The following SNX5 variants were observed in gnomAD, a reference collection of about 807,000 sequenced individuals.
SNX5 encodes the protein sorting nexin 5.
A neutral mutation model predicts 53.9 loss-of-function variants in SNX5; 31 were observed. The ratio of observed to expected loss-of-function variants is 0.58; its 90% CI spans 0.43 to 0.78. The LOEUF (loss-of-function observed/expected upper bound fraction) is 0.78. SNX5 is among the 30% of genes least tolerant of loss of function. SNX5 has a pLI of 0.00. For missense variants in SNX5, 471 were observed against 478.8 expected, an observed-to-expected ratio of 0.98 and a Z score of 0.15; for synonymous variants, 168 against 171.1, an observed-to-expected ratio of 0.98 and a Z score of 0.14.
At chr20:17,962,942 T>C (rs771198416) in intron 1 of SNX5, 2 of 515,922 alleles carry the variant, frequency 3.9e-6, no homozygotes. Flanking sequence ...GAATCATCAT[T>C]TCACAAGGCT....
intron 8 of SNX5, 117 bp from the exon 9 acceptor site, chr20:17,949,220 C>T (rs913138745): frequency 1.8e-5 from 15 of 822,536 alleles, no homozygotes; most frequent in Middle Eastern, 3.7e-4. Flanking sequence ...GGTACTTTAG[C>T]ATTAATTTAA....
Position 17,948,976 on chromosome 20 carries a change from T to C in SNX5, c.832A>G (p.Lys278Glu), listed in dbSNP as rs147786677. Residue 278 changes from lysine to glutamate, a missense_variant and splice_region_variant, in exon 10 of 13, where the codon AAA (lysine) becomes GAA (glutamate). Coordinates refer to ENST00000377759, the MANE Select transcript of SNX5 (RefSeq NM_014426.4). ...TCTGATGAAACTCGACCCTCTACTT[T>C]CTATATAGAAAAGGAAAGGTCACCA... ...KVAELFEKLR[K>E]VEGRVSSDED... 6.2e-7 allele frequency: 1 copy of C among 1,612,452 alleles called. No individual in the cohort carries two copies. The highest frequency in any genetic ancestry group is 1.3e-5 in the African/African-American group (1 of 74,848).
At chr20:17,944,339 G>A (rs1300241562) in intron 11 of SNX5, 1 of 152,100 alleles carries the variant, frequency 6.6e-6, no homozygotes, top group Admixed American at 6.5e-5. Context: ...TGAAAAAAAT[G>A]AAAGATGTTA....
chr20:17,968,478 C>T lies in SNX5; in HGVS notation c.-53G>A, dbSNP rs1484207805. 20 of 1,278,474 alleles carry T rather than the reference C, an allele frequency of 1.6e-5. No individual in the cohort carries two copies. The highest frequency in any genetic ancestry group is 5.6e-5 in the South Asian group (2 of 36,004). 79.2% of individuals were successfully genotyped at this position (1,278,474 alleles called of 1,614,324 possible). ...CCTGGCTGTGCGAGGAAAGAAGAAG[C>T]TGGGCCGCCGCCGCCGCCGCCTGGG... On this transcript the variant is annotated 5_prime_UTR_variant, in exon 1 of 13. Coordinates refer to ENST00000377759, the MANE Select transcript of SNX5 (RefSeq NM_014426.4).
rs969881688 is a variant in SNX5 at position 17,941,751 on chromosome 20, A to G, written c.*606T>C. ...GCCATCTTATAAAGCAGACCACATTATTTGTTTCCATATATACCTGTAGAT... is the reference window on the plus strand; with the variant it reads ...GCCATCTTATAAAGCAGACCACATTGTTTGTTTCCATATATACCTGTAGAT... On this transcript the variant is annotated 3_prime_UTR_variant, in exon 13 of 13. Coordinates refer to ENST00000377759, the MANE Select transcript of SNX5 (RefSeq NM_014426.4). 5 of 152,372 alleles carry G rather than the reference A, an allele frequency of 3.3e-5. No homozygotes were observed. Among genetic ancestry groups the G allele is most frequent in the African/African-American group, 1.2e-4 (5 of 41,432 alleles). 9.4% of individuals were successfully genotyped at this position (152,372 alleles called of 1,614,324 possible).
At chr20:17,967,714 T>C in intron 1 of SNX5, 1 of 187,326 alleles carries the variant, frequency 5.3e-6, no homozygotes. Flanking sequence ...GCTATGGGAA[T>C]TTCAATTTAT....
rs1300631375 is a variant in SNX5 at position 17,943,096 on chromosome 20, T to C, written c.1164+14A>G. The C allele has an allele frequency of 1.3e-6, 2 of 1,545,064 alleles. No homozygotes were observed. The highest frequency in any genetic ancestry group is 1.8e-6 in the Non-Finnish European group (2 of 1,118,654). ...CCATAAAAGATGTTGGCTTCATCTGTAGAAAACACTTACCCTGGCATGTTT... is the reference window on the plus strand; with the variant it reads ...CCATAAAAGATGTTGGCTTCATCTGCAGAAAACACTTACCCTGGCATGTTT... On this transcript the variant is annotated intron_variant, in intron 12 of 12. Transcript: ENST00000377759.
intron 2 of SNX5, among the ~76,000 whole-genome samples, 179 bp downstream of exon 2, chr20:17,956,754 T>C (rs970857277): frequency 1.0e-4 from 15 of 149,016 alleles, no homozygotes; most frequent in Admixed American, 5.3e-4. Context: ...AGAATGCTGC[T>C]GCCGCCACAA....
At position 17,968,473 on chromosome 20, in the gene SNX5, A is replaced by T; in HGVS notation, c.-48T>A. The T allele has an allele frequency of 7.8e-7, 1 of 1,289,272 alleles. No homozygotes were observed. The highest frequency in any genetic ancestry group is 9.8e-7 in the Non-Finnish European group (1 of 1,016,504). 79.9% of individuals were successfully genotyped at this position (1,289,272 alleles called of 1,614,324 possible). On this transcript the variant is annotated 5_prime_UTR_variant, in exon 1 of 13. Coordinates refer to ENST00000377759, the MANE Select transcript of SNX5 (RefSeq NM_014426.4). ...GGCCGCCTGGCTGTGCGAGGAAAGA[A>T]GAAGCTGGGCCGCCGCCGCCGCCGC...
intron 10 of SNX5, among the ~76,000 whole-genome samples, chr20:17,948,222 C>T (rs1453748211): frequency 6.6e-6 from 1 of 152,168 alleles, no homozygotes; most frequent in African/African-American, 2.4e-5. Context: ...ACTACTAGGC[C>T]TATTTTTGTA....
At chr20:17,959,686 A>T (rs78784197) in intron 1 of SNX5, among the ~76,000 whole-genome samples, 5 of 152,216 alleles carry the variant, frequency 3.3e-5, no homozygotes, top group Non-Finnish European at 7.3e-5. Flanking sequence ...GAACTTTCTC[A>T]TATTATAGCA....
At chr20:17,964,624 T>C (rs1226687004) in intron 1 of SNX5, among the ~76,000 whole-genome samples, 1 of 152,224 alleles carries the variant, frequency 6.6e-6, no homozygotes. Flanking sequence ...ATTTACACTT[T>C]AATAGCCGTT....
intron 11 of SNX5, among the ~76,000 whole-genome samples, chr20:17,946,674 G>A (rs949013805): frequency 6.6e-6 from 1 of 152,176 alleles, no homozygotes; most frequent in African/African-American, 2.4e-5. Context: ...TTCTGCAATC[G>A]TCAGAGTAAC....
chr20:17,956,165 T>G lies in SNX5; in HGVS notation c.157-690A>C, dbSNP rs142582890. Among the ~76,000 whole-genome samples the G allele has an allele frequency of 8.6e-3, 1,304 of 152,144 alleles. 15 individuals are homozygous for G. The highest frequency in any genetic ancestry group is 0.027 in the Middle Eastern group (8 of 294). ...ATAAATTTTAAAAAAACCTCTTAGC[T>G]GTAACTTACTATGGTTCTAAAAATT... On this transcript the variant is annotated intron_variant, in intron 2 of 12. Coordinates refer to ENST00000377759, the MANE Select transcript of SNX5 (RefSeq NM_014426.4).
intron 1 of SNX5, 183 bp downstream of exon 1, chr20:17,968,192 G>A (rs1228126013): frequency 9.6e-6 from 4 of 418,560 alleles, no homozygotes; most frequent in Non-Finnish European, 8.2e-6. Context: ...ACATCCACAG[G>A]GATTCCCCGG....
At chr20:17,949,011 A>G in intron 9 of SNX5, 35 bp from the exon 10 acceptor site, 1 of 1,607,812 alleles carries the variant, frequency 6.2e-7, no homozygotes, top group South Asian at 1.1e-5. Context: ...ATCAAGGCAG[A>G]AAGCTATAGA....
chr20:17,946,961 A>C (rs1381880265), intron 11 of SNX5, among the ~76,000 whole-genome samples: 1 of 152,234 alleles, frequency 6.6e-6, no homozygotes, highest in African/African-American at 2.4e-5. Context: ...AGATCTAAAC[A>C]TGAGGAAACC....
intron 11 of SNX5, chr20:17,944,092 G>GA (rs1275687015): frequency 3.3e-5 from 5 of 152,164 alleles, no homozygotes; most frequent in Non-Finnish European, 7.3e-5. Flanking sequence ...ACCAGGCACA[G>GA]AAAGACAAAC....
chr20:17,947,996 C>T (rs1314293677), intron 10 of SNX5, among the ~76,000 whole-genome samples: 1 of 152,318 alleles, frequency 6.6e-6, no homozygotes, highest in Non-Finnish European at 1.5e-5. Flanking sequence ...AAGTTGAGCG[C>T]TGCTAAAATA....
Sources: allele counts gnomAD v4.1 joint callset (sites outside exome capture counted in the v4.1 genomes callset), GRCh38; gene constraint gnomAD v4.1.1; transcripts MANE v1.5; gene names NCBI Gene and HGNC (gene_info 2026-07-23, HGNC 2026-07-21).